WIF1: variants seen among roughly 807,000 people sequenced by gnomAD.
WIF1 encodes Wnt inhibitory factor 1.
WIF1 carries 35 observed loss-of-function variants against 53.5 expected under a neutral mutation model. The ratio of observed to expected loss-of-function variants is 0.65; its 90% CI spans 0.50 to 0.87. The LOEUF is 0.87. WIF1 is among the 40% of genes least tolerant of loss of function. The pLI is 0.00. For missense variants in WIF1, 467 were observed against 476.8 expected, an observed-to-expected ratio of 0.98 and a Z score of 0.19; for synonymous variants, 171 against 170.4, an observed-to-expected ratio of 1.00 and a Z score of -0.03.
chr12:65,120,289 G>T, intron 2 of WIF1, 128 bp downstream of exon 2: 4 of 974,120 alleles, frequency 4.1e-6, no homozygotes, highest in Admixed American at 3.0e-5. Flanking sequence ...TTCTTTATTT[G>T]CTTTGGCAAT....
intron 2 of WIF1, among the ~76,000 whole-genome samples, chr12:65,079,073 G>A (rs1216548026): frequency 6.8e-6 from 1 of 146,926 alleles, no homozygotes; most frequent in Non-Finnish European, 1.5e-5. Flanking sequence ...GCTGAGGCAG[G>A]AGAATTGCTT....
In WIF1 at chr12:65,090,490, A is replaced by C. The variant is rs1000206000; in HGVS notation, c.289-12636T>G. ...CTGATCATTAATCAAGTAAGTAAAAAATCGAGACTGTGATAAAGGGCTTCA... is the reference window on the plus strand; with the variant it reads ...CTGATCATTAATCAAGTAAGTAAAACATCGAGACTGTGATAAAGGGCTTCA... On this transcript the variant is annotated intron_variant, in intron 2 of 9. Coordinates refer to ENST00000286574, the MANE Select transcript of WIF1 (RefSeq NM_007191.5). 1.1e-3 allele frequency among the ~76,000 whole-genome samples: 174 copies of C among 152,222 alleles called. 1 individual carries two copies. The highest frequency in any genetic ancestry group is 4.0e-3 in the African/African-American group (168 of 41,546).
intron 9 of WIF1, 102 bp downstream of exon 9, chr12:65,055,016 G>C: frequency 1.6e-6 from 2 of 1,219,620 alleles, no homozygotes; most frequent in Non-Finnish European, 2.3e-6. Flanking sequence ...AGCCTTTGAA[G>C]CCAAGAAACC....
chr12:65,095,164 T>C (rs1592399403), intron 2 of WIF1, among the ~76,000 whole-genome samples: 1 of 151,482 alleles, frequency 6.6e-6, no homozygotes, highest in East Asian at 1.9e-4. Context: ...GGTCTTGAAC[T>C]CCTGGGCTCA....
At chr12:65,081,322 G>C (rs558416954) in intron 2 of WIF1, among the ~76,000 whole-genome samples, 2 of 152,080 alleles carry the variant, frequency 1.3e-5, no homozygotes, top group African/African-American at 4.8e-5. Context: ...GCTTCTGAAC[G>C]CCTCTTCCAA....
intron 2 of WIF1, among the ~76,000 whole-genome samples, chr12:65,111,320 C>T (rs1051282465): frequency 4.6e-5 from 7 of 152,080 alleles, no homozygotes; most frequent in Non-Finnish European, 8.8e-5. Flanking sequence ...CCATTTTCCG[C>T]TCCTTTCTAC....
intron 6 of WIF1, among the ~76,000 whole-genome samples, chr12:65,063,162 G>A (rs564635424): frequency 3.9e-5 from 6 of 152,324 alleles, no homozygotes; most frequent in African/African-American, 1.4e-4. Flanking sequence ...ATAGGTAGGA[G>A]TGTGGCCACA....
At chr12:65,062,449 A>C (rs1423142840) in intron 7 of WIF1, 32 bp downstream of exon 7, 2 of 1,577,728 alleles carry the variant, frequency 1.3e-6, no homozygotes. Flanking sequence ...AGGTCTCCCC[A>C]AGTCAAAAGA....
At chr12:65,111,312 A>T (rs1166705519) in intron 2 of WIF1, among the ~76,000 whole-genome samples, 1 of 151,778 alleles carries the variant, frequency 6.6e-6, no homozygotes, top group Non-Finnish European at 1.5e-5. Context: ...CTCCAACCCC[A>T]TTTTCCGCTC....
At chr12:65,116,353 T>G (rs954500823) in intron 2 of WIF1, among the ~76,000 whole-genome samples, 1 of 151,946 alleles carries the variant, frequency 6.6e-6, no homozygotes, top group African/African-American at 2.4e-5. Flanking sequence ...CGGCATTAGG[T>G]TCCCATAGAA....
intron 2 of WIF1, among the ~76,000 whole-genome samples, chr12:65,092,008 T>C (rs956861159): frequency 6.6e-6 from 1 of 152,080 alleles, no homozygotes; most frequent in African/African-American, 2.4e-5. Context: ...AATGAACATA[T>C]ATCAAGTAAT....
intron 2 of WIF1, among the ~76,000 whole-genome samples, chr12:65,106,507 G>T (rs970754004): frequency 6.6e-6 from 1 of 151,936 alleles, no homozygotes; most frequent in Admixed American, 6.6e-5. Flanking sequence ...GGGATTACAG[G>T]TGCTCGCCAC....
chr12:65,107,270 C>T (rs995244175), intron 2 of WIF1, among the ~76,000 whole-genome samples: 47 of 152,186 alleles, frequency 3.1e-4, no homozygotes, highest in African/African-American at 1.1e-3. Context: ...GTGCTTCAAA[C>T]ATGCAGGAAT....
At chr12:65,065,612 C>T (rs551189419) in intron 6 of WIF1, among the ~76,000 whole-genome samples, 7 of 152,124 alleles carry the variant, frequency 4.6e-5, no homozygotes, top group African/African-American at 9.7e-5. Context: ...TCATGGCAAT[C>T]TTACTTGGTA....
At chr12:65,104,592 C>T (rs750157029) in intron 2 of WIF1, among the ~76,000 whole-genome samples, 12 of 152,160 alleles carry the variant, frequency 7.9e-5, no homozygotes, top group South Asian at 2.1e-4. Flanking sequence ...TAGTGCTTAT[C>T]TCATAGGGTT....
chr12:65,072,319 A>C (rs980632427), intron 3 of WIF1, among the ~76,000 whole-genome samples: 3 of 152,178 alleles, frequency 2.0e-5, no homozygotes, highest in Non-Finnish European at 4.4e-5. Flanking sequence ...CCAAAATTAA[A>C]TAGTACTTGC....
chr12:65,103,743 G>C (rs1883314059), intron 2 of WIF1, among the ~76,000 whole-genome samples: 1 of 152,112 alleles, frequency 6.6e-6, no homozygotes, highest in African/African-American at 2.4e-5. Flanking sequence ...ATGTACCTTG[G>C]CATTTGACTG....
At chr12:65,105,418 A>G (rs1281131051) in intron 2 of WIF1, among the ~76,000 whole-genome samples, 3 of 152,158 alleles carry the variant, frequency 2.0e-5, no homozygotes, top group Admixed American at 2.0e-4. Context: ...GTGTTGCTGT[A>G]ACAGAATAGG....
At position 65,055,125 on chromosome 12, in the gene WIF1, G is replaced by A. The variant is rs1882503440; in HGVS notation, c.1011C>T (p.Cys337=). 6.2e-7 allele frequency: 1 copy of A among 1,612,648 alleles called. No homozygotes were observed. Among genetic ancestry groups the A allele is most frequent in the African/African-American group, 1.3e-5 (1 of 74,736 alleles). Residue 337 remains cysteine (C), a synonymous_variant, in exon 9 of 10, where the codon TGC becomes TGT. Coordinates refer to ENST00000286574, the MANE Select transcript of WIF1 (RefSeq NM_007191.5). ...QCQEGWHGRH[C]NKRYEASLIH... The stretch of plus-strand genomic sequence containing the variant: ...TTTATTTCTCCCACTCACTTTTATT[G>A]CAGTGTCTTCCATGCCAACCTTCTT...
Sources: gnomAD v4.1 joint callset for allele counts (sites outside exome capture counted in the v4.1 genomes callset) on GRCh38, gnomAD v4.1.1 for gene constraint, MANE v1.5 for transcripts, NCBI Gene and HGNC (gene_info 2026-07-23, HGNC 2026-07-21) for gene names.